The following LRRC58 variants were observed in gnomAD, a reference collection of about 807,000 sequenced individuals.
The protein encoded by LRRC58 is leucine rich repeat containing 58, also known as leucine-rich repeat-containing protein 58.
Under a neutral mutation model 30.6 loss-of-function variants are expected in LRRC58, and 18 were observed. The observed-to-expected ratio is 0.59, with a 90% CI of 0.41 to 0.87. The LOEUF (loss-of-function observed/expected upper bound fraction) is 0.87. Ranked by LOEUF, LRRC58 falls within the 40% of genes least tolerant of loss-of-function variation. LRRC58 has a pLI of 0.00. For synonymous variants in LRRC58, 221 were observed against 206.0 expected, an observed-to-expected ratio of 1.07 and a Z score of -0.62; for missense variants, 420 against 468.4, an observed-to-expected ratio of 0.90 and a Z score of 0.95.
Position 120,349,293 on chromosome 3 carries a change from C to T in LRRC58, c.-50G>A. ...GCCGGATTCCCCAGAGCGCCGCGCGCGGTCCAGAGGCCGGGAGCTCTGCGG... is the reference window on the plus strand; with the variant it reads ...GCCGGATTCCCCAGAGCGCCGCGCGTGGTCCAGAGGCCGGGAGCTCTGCGG... On this transcript the variant is annotated 5_prime_UTR_variant, in exon 1 of 4. Coordinates refer to ENST00000295628, the MANE Select transcript of LRRC58 (RefSeq NM_001099678.2). 1.5e-6 allele frequency: 2 copies of T among 1,348,298 alleles called. No homozygotes were observed. Among genetic ancestry groups the T allele is most frequent in the Non-Finnish European group, 1.9e-6 (2 of 1,055,934 alleles). The allele number at this position is 1,348,298 out of a possible 1,614,324, so 83.5% of individuals were successfully genotyped here. A position where few individuals can be genotyped will look rare whatever the true frequency, so the allele number is the denominator to read the frequency against.
At chr3:120,348,094 A>G (rs1245117928) in intron 1 of LRRC58, among the ~76,000 whole-genome samples, 1 of 152,212 alleles carries the variant, frequency 6.6e-6, no homozygotes, top group Non-Finnish European at 1.5e-5. Context: ...AAGGAATCAC[A>G]GAGATGATTA....
At chr3:120,336,739 TA>T (rs1367217866) in intron 1 of LRRC58, among the ~76,000 whole-genome samples, 1 of 149,470 alleles carries the variant, frequency 6.7e-6, no homozygotes. Context: ...TGCACTAAAA[TA>T]AAAAAAAAGA....
chr3:120,329,126 T>C lies in LRRC58; in HGVS notation c.*2074A>G, dbSNP rs1481114960. 2.6e-5 allele frequency: 4 copies of C among 152,148 alleles called. No homozygotes were observed. The highest frequency in any genetic ancestry group is 2.1e-4 in the South Asian group (1 of 4,832). 9.4% of individuals were successfully genotyped at this position (152,148 alleles called of 1,614,324 possible). A position where few individuals can be genotyped will look rare whatever the true frequency, so the allele number is the denominator to read the frequency against. ...GCAGTTACTTAAGTCAAGCTGGTAA[T>C]TGATTAGGAAGTAGGCATAAGCATT... On this transcript the variant is annotated 3_prime_UTR_variant, in exon 4 of 4. Transcript: ENST00000295628.
intron 1 of LRRC58, among the ~76,000 whole-genome samples, chr3:120,336,834 A>G (rs1256341386): frequency 6.8e-6 from 1 of 146,370 alleles, no homozygotes; most frequent in Non-Finnish European, 1.5e-5. Flanking sequence ...TACTATATAT[A>G]TTTATTTATT....
In LRRC58 at chr3:120,348,942, T is replaced by C. The variant is rs1358053028; in HGVS notation, c.302A>G (p.Asn101Ser). 2 of 1,558,108 alleles carry C rather than the reference T, an allele frequency of 1.3e-6. No individual in the cohort carries two copies. Among genetic ancestry groups the C allele is most frequent in the African/African-American group, 1.4e-5 (1 of 73,112 alleles). The change falls in exon 1 of 4, where the codon AAC becomes AGC. Residue 101 changes from asparagine (N) to serine (S), a missense_variant. Physicochemically the swap from Asn to Ser is conservative, Grantham distance 46. Transcript: ENST00000295628. ...RGLRTLLAKN[N>S]RLGGPSALPK... ...CAGCGCACTGGGCCCGCCGAGCCGG[T>C]TGTTCTTGGCCAGCAGCGTGCGCAG...
chr3:120,347,248 AT>A (rs1200863110), intron 1 of LRRC58, among the ~76,000 whole-genome samples: 1 of 152,178 alleles, frequency 6.6e-6, no homozygotes, highest in African/African-American at 2.4e-5. Flanking sequence ...TGAAGAGTAA[AT>A]GAAGAGACAT....
At chr3:120,340,418 T>A (rs924408604) in intron 1 of LRRC58, among the ~76,000 whole-genome samples, 7 of 152,206 alleles carry the variant, frequency 4.6e-5, no homozygotes, top group Admixed American at 6.5e-5. Context: ...CTTGCTTCAC[T>A]GATGAAGTTC....
chr3:120,349,289 C>A lies in LRRC58; in HGVS notation c.-46G>T. ...TGGCGCCGGATTCCCCAGAGCGCCG[C>A]GCGCGGTCCAGAGGCCGGGAGCTCT... On this transcript the variant is annotated 5_prime_UTR_variant, in exon 1 of 4. Transcript: ENST00000295628. 7.4e-7 allele frequency: 1 copy of A among 1,349,374 alleles called. No homozygotes were observed. The highest frequency in any genetic ancestry group is 1.8e-5 in the South Asian group (1 of 55,038). 83.6% of individuals were successfully genotyped at this position (1,349,374 alleles called of 1,614,324 possible).
chr3:120,336,869 ATATAT>A (rs1188486868), intron 1 of LRRC58, among the ~76,000 whole-genome samples: 1 of 147,586 alleles, frequency 6.8e-6, no homozygotes, highest in Non-Finnish European at 1.5e-5. Context: ...ATATATTTAT[ATATAT>A]TATACTATAA....
intron 1 of LRRC58, among the ~76,000 whole-genome samples, chr3:120,342,054 G>A (rs927733082): frequency 6.6e-6 from 1 of 152,022 alleles, no homozygotes; most frequent in Non-Finnish European, 1.5e-5. Flanking sequence ...CTGCAGGCTC[G>A]AGGGTGTCTT....
At chr3:120,345,995 G>C (rs1007510334) in intron 1 of LRRC58, among the ~76,000 whole-genome samples, 9 of 152,202 alleles carry the variant, frequency 5.9e-5, no homozygotes, top group African/African-American at 2.2e-4. Context: ...CCTCACGCCT[G>C]TAATCCCAAC....
intron 2 of LRRC58, 81 bp downstream of exon 2, chr3:120,335,744 A>T (rs1458118097): frequency 5.2e-6 from 6 of 1,162,382 alleles, no homozygotes; most frequent in Non-Finnish European, 4.8e-6. Flanking sequence ...TTTTCTACAT[A>T]TAAAAACATG....
intron 1 of LRRC58, among the ~76,000 whole-genome samples, chr3:120,348,373 G>C (rs930469868): frequency 1.3e-5 from 2 of 152,288 alleles, no homozygotes; most frequent in Non-Finnish European, 1.5e-5. Context: ...CACGCTCAAA[G>C]GCACGTACTT....
chr3:120,343,742 A>G (rs9849354), intron 1 of LRRC58, among the ~76,000 whole-genome samples: 47,019 of 152,076 alleles, frequency 0.31, 8,870 homozygotes, highest in African/African-American at 0.52. Context: ...ATAAAAATAT[A>G]CGTTAAGCTG....
chr3:120,326,745 G>C lies in LRRC58; in HGVS notation c.*4455C>G, dbSNP rs931783870. 3.0e-4 allele frequency: 45 copies of C among 152,210 alleles called. No homozygotes were observed. The highest frequency in any genetic ancestry group is 1.0e-3 in the African/African-American group (43 of 41,530). The allele number at this position is 152,210 out of a possible 1,614,324, so 9.4% of individuals were successfully genotyped here. A position where few individuals can be genotyped will look rare whatever the true frequency, so the allele number is the denominator to read the frequency against. On this transcript the variant is annotated 3_prime_UTR_variant, in exon 4 of 4. Transcript: ENST00000295628. Reference sequence around the variant, plus strand: ...AAAAATTAAATGTTCCTAACTAAATGCAGCTTAACTAACCTCATATATACA... The same window carrying C: ...AAAAATTAAATGTTCCTAACTAAATCCAGCTTAACTAACCTCATATATACA...
At chr3:120,338,882 G>A (rs1935868839) in intron 1 of LRRC58, among the ~76,000 whole-genome samples, 1 of 152,206 alleles carries the variant, frequency 6.6e-6, no homozygotes, top group Non-Finnish European at 1.5e-5. Flanking sequence ...GCAAACAACT[G>A]GAGAAGTGGT....
At position 120,331,097 on chromosome 3, in the gene LRRC58, A is replaced by G. The variant is rs1221675173; in HGVS notation, c.*103T>C. On this transcript the variant is annotated 3_prime_UTR_variant, in exon 4 of 4. Transcript: ENST00000295628. ...TATCATCCCAGACTCTTTGATGAACACTTAAGATGAAGATAAGATTTCTAG... is the reference window on the plus strand; with the variant it reads ...TATCATCCCAGACTCTTTGATGAACGCTTAAGATGAAGATAAGATTTCTAG... The G allele has an allele frequency of 3.1e-6, 3 of 968,652 alleles. No homozygotes were observed. The African/African-American group carries it at 4.8e-5, about 16-fold the overall frequency. 60.0% of individuals were successfully genotyped at this position (968,652 alleles called of 1,614,324 possible).
At chr3:120,348,079 TAAA>T (rs994505771) in intron 1 of LRRC58, among the ~76,000 whole-genome samples, 6 of 152,118 alleles carry the variant, frequency 3.9e-5, no homozygotes, top group South Asian at 2.1e-4. Flanking sequence ...CAGGGAGTAG[TAAA>T]AAAGGAATCA....
At position 120,349,339 on chromosome 3, in the gene LRRC58, G is replaced by A. The variant is rs987801032; in HGVS notation, c.-96C>T. The A allele has an allele frequency of 4.0e-6, 5 of 1,250,034 alleles. No homozygotes were observed. The highest frequency in any genetic ancestry group is 4.1e-6 in the Non-Finnish European group (4 of 978,464). 77.4% of individuals were successfully genotyped at this position (1,250,034 alleles called of 1,614,324 possible). ...TGCGGCGCCCCGGAACCTGAACCGAGGGCTGAGTCGGAAGTGGCGCGGGCG... is the reference window on the plus strand; with the variant it reads ...TGCGGCGCCCCGGAACCTGAACCGAAGGCTGAGTCGGAAGTGGCGCGGGCG... On this transcript the variant is annotated 5_prime_UTR_variant, in exon 1 of 4. Coordinates refer to ENST00000295628, the MANE Select transcript of LRRC58 (RefSeq NM_001099678.2).
Sources: allele counts gnomAD v4.1 joint callset (sites outside exome capture counted in the v4.1 genomes callset), GRCh38; gene constraint gnomAD v4.1.1; transcripts MANE v1.5; gene names NCBI Gene and HGNC (gene_info 2026-07-23, HGNC 2026-07-21).